PLEC: variants seen among roughly 807,000 people sequenced by gnomAD.
PLEC encodes the protein hemidesmosomal protein 1.
In PLEC, 216 loss-of-function variants were observed where a neutral mutation model predicts 392.8. The observed-to-expected ratio is 0.55, with a 90% CI of 0.49 to 0.62. The LOEUF (loss-of-function observed/expected upper bound fraction) is 0.62, where lower values mean the gene tolerates loss of function less well. PLEC is among the 20% of genes least tolerant of loss of function. The pLI, the probability that PLEC is intolerant of heterozygous loss-of-function variation, is 0.00. For synonymous variants in PLEC, 3,621 were observed against 2,980.6 expected, an observed-to-expected ratio of 1.21 and a Z score of -7.00; for missense variants, 6,863 against 6,563.4, an observed-to-expected ratio of 1.05 and a Z score of -1.58.
In PLEC at chr8:143,920,707, C is replaced by T. The variant is rs781863787; in HGVS notation, c.9114G>A (p.Leu3038=). The T allele has an allele frequency of 1.9e-6, 3 of 1,602,806 alleles. No individual in the cohort carries two copies. The highest frequency in any genetic ancestry group is 4.5e-5 in the East Asian group (2 of 44,878). The change falls in exon 32 of 32, where the codon CTG becomes CTA. Residue 3038 remains leucine (L), a synonymous_variant. Coordinates refer to ENST00000345136, the MANE Select transcript of PLEC (RefSeq NM_201384.3). ...CTTTCTTCAGGGCATTGTAGATACT[C>T]AGCTTCTGCCCCGCCTCCTCCAGCC... is the stretch of plus-strand genomic sequence containing the variant. ...GVWLEEAGQK[L]SIYNALKKDL...
intron 14 of PLEC, 34 bp from the exon 15 acceptor site, chr8:143,932,746 CTGGGCCCG>C: frequency 6.2e-7 from 1 of 1,608,564 alleles, no homozygotes; most frequent in Non-Finnish European, 8.5e-7. Flanking sequence ...TCTGCAGTGG[CTGGGCCCG>C]GCCCACCCCC....
upstream of PLEC, among the ~76,000 whole-genome samples, chr8:143,975,589 A>G (rs1477240088): frequency 6.7e-6 from 1 of 150,084 alleles, no homozygotes; most frequent in Non-Finnish European, 1.5e-5. This position sits in a 1 kb window ranked among gnomAD's most constrained non-coding sequence, Gnocchi z 9.9. Flanking sequence ...CTCTCCATCC[A>G]TGACTGCCTT....
In PLEC at chr8:143,939,431, G is replaced by A; in HGVS notation, c.31C>T (p.Pro11Ser). The change falls in exon 1 of 32, where the codon CCC (proline) becomes TCC (serine). Residue 11 changes from proline (P) to serine (S), a missense_variant. Coordinates refer to ENST00000345136, the MANE Select transcript of PLEC (RefSeq NM_201384.3). ...GTTCTCTTTCGGCCCAGGCCCTCGG[G>A]CTGCGGCACGCGGAGCTGGTGCTGA... MSQHQLRVPQ[P>S]EGLGRKRTSS... 6.2e-7 allele frequency: 1 copy of A among 1,612,364 alleles called. No individual in the cohort carries two copies. The highest frequency in any genetic ancestry group is 8.5e-7 in the Non-Finnish European group (1 of 1,179,734).
In PLEC at chr8:143,925,767, G is replaced by A. The variant is rs188305538; in HGVS notation, c.4162C>T (p.Arg1388Trp). The A allele has an allele frequency of 9.0e-4, 1,430 of 1,590,454 alleles. 18 individuals carry two copies. The East Asian group carries it at 0.028, about 31-fold the overall frequency. ...CGCTGCTGCAGCTCCTTCGCCTCCC[G>A]CTCCGCCTGTGCCTTTGCCTGGGCG... ...AHAQAKAQAE[R>W]EAKELQQRMQ... The change falls in exon 31 of 32, where the codon CGG (arginine) becomes TGG (tryptophan). Residue 1388 changes from arginine to tryptophan, a missense_variant. Transcript: ENST00000345136.
At chr8:143,950,286 G>C in exon 1 of PLEC, 1 of 1,570,830 alleles carries the variant, frequency 6.4e-7, no homozygotes, top group Non-Finnish European at 8.6e-7. Flanking sequence ...TCCTTCCGAC[G>C]GTAGACCCGC....
Position 143,929,479 on chromosome 8 carries a change from G to A in PLEC, c.3016C>T (p.Arg1006Cys), listed in dbSNP as rs200484638. 4.0e-5 allele frequency: 64 copies of A among 1,603,268 alleles called. No individual in the cohort carries two copies. In the Admixed American group the frequency reaches 4.4e-4, roughly 11 times the overall value. ...TCTTTGTCCAGCGGCAGCCGCAGGCGGTGCACGGTGCGCGTCTCACAGGCC... is the reference window on the plus strand; with the variant it reads ...TCTTTGTCCAGCGGCAGCCGCAGGCAGTGCACGGTGCGCGTCTCACAGGCC... ...LEACETRTVHRLRLPLDKEPA... is the reference protein window; with the variant it reads ...LEACETRTVHCLRLPLDKEPA... The change falls in exon 24 of 32, where the codon CGC (arginine) becomes TGC (cysteine). Residue 1006 changes from arginine to cysteine, a missense_variant. Arg to Cys is a radical substitution (Grantham distance 180). Transcript: ENST00000345136.
At chr8:143,942,143 G>T (rs555138440), upstream of PLEC, among the ~76,000 whole-genome samples, 2 of 151,826 alleles carry the variant, frequency 1.3e-5, no homozygotes, top group South Asian at 4.2e-4. Flanking sequence ...AACAGCCGGG[G>T]GTGGGCCAGC....
rs763436354 is a variant in PLEC, at chr8:143,919,232, C to T, written c.10589G>A (p.Cys3530Tyr). The T allele has an allele frequency of 1.2e-5, 19 of 1,613,802 alleles. No homozygotes were observed. The highest frequency in any genetic ancestry group is 1.5e-5 in the Non-Finnish European group (18 of 1,180,058). ...NLTYRQLLER[C>Y]VEDPETGLRL... is the part of the protein sequence containing the mutation. ...CAAGCCCGTCTCGGGGTCCTCCACGCACCGCTCCAGCAGCTGCCTGTACGT... is the reference window on the plus strand; with the variant it reads ...CAAGCCCGTCTCGGGGTCCTCCACGTACCGCTCCAGCAGCTGCCTGTACGT... The change falls in exon 32 of 32, where the codon TGC (cysteine) becomes TAC (tyrosine). Residue 3530 changes from cysteine (C) to tyrosine (Y), a missense_variant. Transcript: ENST00000345136.
chr8:143,935,731 G>A (rs1828874109), intron 6 of PLEC, 117 bp downstream of exon 6: 4 of 1,149,822 alleles, frequency 3.5e-6, no homozygotes, highest in South Asian at 2.6e-5. Context: ...GCGGCCAGCT[G>A]GCACTCATCC....
chr8:143,948,356 C>T lies in PLEC; in HGVS notation c.523+1828G>A, dbSNP rs1469544892. Among the ~76,000 whole-genome samples the T allele has an allele frequency of 2.0e-5, 3 of 152,242 alleles. No homozygotes were observed. In the East Asian group the frequency reaches 5.8e-4, roughly 29 times the overall value. On this transcript the variant is annotated intron_variant, in intron 1 of 31. Coordinates refer to the PLEC transcript ENST00000322810. ...AGGGCAGGGCAGCTCACTGCTTGGT[C>T]ACTTAAAAACTCCAAGAAGTGCCTG... is the stretch of plus-strand genomic sequence containing the variant.
At chr8:143,954,023 G>C, upstream of PLEC, 1 of 901,828 alleles carries the variant, frequency 1.1e-6, no homozygotes, top group Non-Finnish European at 1.5e-6. The surrounding 1 kb of genome is among the most constrained non-coding windows in gnomAD (Gnocchi z 4.6). Context: ...ACCCCAGCCA[G>C]ACTGCCAGGT....
At chr8:143,956,182 A>G (rs548841141), upstream of PLEC, among the ~76,000 whole-genome samples, 1 of 152,278 alleles carries the variant, frequency 6.6e-6, no homozygotes, top group African/African-American at 2.4e-5. Flanking sequence ...TCCTGACCTC[A>G]GGTGATCCAC....
chr8:143,966,299 G>A (rs1042163335), intron 1 of PLEC, among the ~76,000 whole-genome samples: 35 of 152,226 alleles, frequency 2.3e-4, no homozygotes, highest in African/African-American at 8.0e-4. Flanking sequence ...CAGGCTCAGA[G>A]CTCTGGCCCG....
At chr8:143,939,880 TCCCCACAGCCACC>T (rs1830118279), upstream of PLEC, among the ~76,000 whole-genome samples, 5 of 151,894 alleles carry the variant, frequency 3.3e-5, no homozygotes, top group African/African-American at 4.8e-5. Context: ...ACACAGGCCG[TCCCCACAGCCACC>T]CAGAAGGACC....
At chr8:143,928,958 A>T (rs1476246691) in intron 25 of PLEC, 145 bp downstream of exon 25, 2 of 727,904 alleles carry the variant, frequency 2.7e-6, no homozygotes, top group Non-Finnish European at 4.6e-6. Context: ...TGCGGCCACC[A>T]CCCCAGCTGG....
At chr8:143,943,834 G>A (rs782015172), upstream of PLEC, 4 of 1,612,392 alleles carry the variant, frequency 2.5e-6, no homozygotes, top group Admixed American at 6.7e-5. Flanking sequence ...CAGCGGCCAG[G>A]GTGACAACGT....
Position 143,927,046 on chromosome 8 carries a change from C to G in PLEC, c.3876G>C (p.Gln1292His). Reference protein sequence around the residue: ...YELQLVTYKAQLEPVASPAKK... With the variant: ...YELQLVTYKAHLEPVASPAKK... ...TGGCCGGGGAGGCCACCGGCTCAAG[C>G]TGCGCCTTGTACGTCACCAGCTGGA... is the stretch of plus-strand genomic sequence containing the variant. The change falls in exon 29 of 32, where the codon CAG becomes CAC. Residue 1292 changes from glutamine (Q) to histidine (H), a missense_variant. Transcript: ENST00000345136. 1.2e-6 allele frequency: 2 copies of G among 1,612,308 alleles called. No homozygotes were observed. The highest frequency in any genetic ancestry group is 2.2e-5 in the South Asian group (2 of 91,088).
chr8:143,930,417 G>T lies in PLEC; in HGVS notation c.2424C>A (p.Pro808=), dbSNP rs894090273. 1.3e-6 allele frequency: 2 copies of T among 1,572,956 alleles called. No individual in the cohort carries two copies. Among genetic ancestry groups the T allele is most frequent in the East Asian group, 2.3e-5 (1 of 42,712 alleles). Residue 808 remains proline, a synonymous_variant, in exon 20 of 32, where the codon CCC becomes CCA. Coordinates refer to ENST00000345136, the MANE Select transcript of PLEC (RefSeq NM_201384.3). ...HPAHPMRGRL[P]LLAVCDYKQV... is the part of the protein sequence containing the mutation. Reference sequence around the variant, plus strand: ...GCTTATAGTCGCACACGGCCAGCAGGGGCAGGCGGCCCCGCATGGGGTGGG... The same window carrying T: ...GCTTATAGTCGCACACGGCCAGCAGTGGCAGGCGGCCCCGCATGGGGTGGG...
Position 143,934,364 on chromosome 8 carries a change from C to T in PLEC, c.1123G>A (p.Val375Met), listed in dbSNP as rs199866423. 125 of 1,612,624 alleles carry T rather than the reference C, an allele frequency of 7.8e-5. 1 individual carries two copies. In the Middle Eastern group the frequency reaches 1.2e-3, roughly 15 times the overall value. ...DVEKEWGKLH[V>M]AILEREKQLR... ...TGCTTCTCCCGCTCCAGGATGGCCA[C>T]GTGCAGCTTGCCCCACTCCTTCTCC... is the stretch of plus-strand genomic sequence containing the variant. The change falls in exon 11 of 32, where the codon GTG becomes ATG. Residue 375 changes from valine (V) to methionine (M), a missense_variant. Physicochemically the swap from Val to Met is conservative, Grantham distance 21. Coordinates refer to ENST00000345136, the MANE Select transcript of PLEC (RefSeq NM_201384.3).
Sources: gnomAD v4.1 joint callset for allele counts (sites outside exome capture counted in the v4.1 genomes callset) on GRCh38, gnomAD v4.1.1 for gene constraint, Gnocchi (gnomAD v3.1) non-coding constraint, MANE v1.5 for transcripts, NCBI Gene and HGNC (gene_info 2026-07-23, HGNC 2026-07-21) for gene names.